SMG1: variants seen among roughly 807,000 people sequenced by gnomAD.
SMG1 encodes the protein serine/threonine-protein kinase SMG1.
In SMG1, 22 loss-of-function variants were observed where a neutral mutation model predicts 419.9. The observed-to-expected ratio is 0.05, with a 90% CI of 0.04 to 0.07. The LOEUF is 0.07. SMG1 is among the 10% of genes least tolerant of loss of function. The pLI, the probability that SMG1 is intolerant of heterozygous loss-of-function variation, is 1.00. For missense variants in SMG1, 3,185 were observed against 4,342.0 expected (o/e 0.73, Z 7.49); for synonymous variants, 1,538 against 1,553.5 (o/e 0.99, Z 0.23).
At chr16:18,863,544 AC>A in intron 25 of SMG1, 105 bp downstream of exon 25, 2 of 1,018,558 alleles carry the variant, frequency 2.0e-6, no homozygotes, top group Non-Finnish European at 3.0e-6. Context: ...TAGATATATA[AC>A]CATTTTGTAT....
At position 18,805,172 on chromosome 16, in the gene SMG1, G is replaced by C. The variant is rs2030709539; in HGVS notation, c.*4397C>G. The C allele has an allele frequency of 6.6e-6, 1 of 152,268 alleles. No homozygotes were observed. Among genetic ancestry groups the C allele is most frequent in the Non-Finnish European group, 1.5e-5 (1 of 68,036 alleles). The allele number at this position is 152,268 out of a possible 1,614,324, so 9.4% of individuals were successfully genotyped here. Reference sequence around the variant, plus strand: ...GTAAATTAACAAGTAAGTGAAGTATGATGTTGTTGCCACTGACATTACAGG... The same window carrying C: ...GTAAATTAACAAGTAAGTGAAGTATCATGTTGTTGCCACTGACATTACAGG... On this transcript the variant is annotated 3_prime_UTR_variant, in exon 63 of 63. Coordinates refer to ENST00000446231, the MANE Select transcript of SMG1 (RefSeq NM_015092.5).
chr16:18,858,337 T>C (rs760086866), intron 28 of SMG1, 47 bp from the exon 29 acceptor site: 48 of 1,553,700 alleles, frequency 3.1e-5, no homozygotes, highest in Non-Finnish European at 3.8e-5. Context: ...AGGCTGTTGA[T>C]ATGTTTGCAG....
At position 18,808,778 on chromosome 16, in the gene SMG1, G is replaced by C. The variant is rs1198512923; in HGVS notation, c.*791C>G. ...ATCATCAGACCTTTAAACAATCCTT[G>C]AATTTTCCATGTTATCAGAAGTTGT... On this transcript the variant is annotated 3_prime_UTR_variant, in exon 63 of 63. Transcript: ENST00000446231. 6.6e-6 allele frequency: 1 copy of C among 152,544 alleles called. No individual in the cohort carries two copies. The highest frequency in any genetic ancestry group is 1.9e-4 in the East Asian group (1 of 5,198). 9.4% of individuals were successfully genotyped at this position (152,544 alleles called of 1,614,324 possible).
chr16:18,923,742 C>A (rs2038286256), intron 1 of SMG1, among the ~76,000 whole-genome samples: 1 of 152,006 alleles, frequency 6.6e-6, no homozygotes, highest in African/African-American at 2.4e-5. Context: ...TTCAGATGAA[C>A]CATAATAAAT....
chr16:18,838,003 C>A lies in SMG1; in HGVS notation c.7413+11G>T, dbSNP rs572689074. 1 of 1,612,938 alleles carries A rather than the reference C, an allele frequency of 6.2e-7. No homozygotes were observed. Among genetic ancestry groups the A allele is most frequent in the Non-Finnish European group, 8.5e-7 (1 of 1,179,240 alleles). On this transcript the variant is annotated intron_variant, in intron 45 of 62. Transcript: ENST00000446231. ...AAGAAGACAATGACTTATTCCGTCA[C>A]TGGGCTTCACCTTAATCTCAGCTAC... is the stretch of plus-strand genomic sequence containing the variant.
At chr16:18,902,872 C>T (rs535855299) in intron 1 of SMG1, among the ~76,000 whole-genome samples, 1 of 152,258 alleles carries the variant, frequency 6.6e-6, no homozygotes, top group Non-Finnish European at 1.5e-5. Flanking sequence ...AACAGGGTCT[C>T]ACCCTGTCGC....
intron 38 of SMG1, 65 bp downstream of exon 38, chr16:18,847,388 T>C (rs1393497963): frequency 3.2e-6 from 5 of 1,551,798 alleles, no homozygotes; most frequent in Non-Finnish European, 4.4e-6. Flanking sequence ...GTAAATTTTA[T>C]GTTATTTATA....
At chr16:18,885,187 G>C (rs958494862) in intron 7 of SMG1, 25 bp from the exon 8 acceptor site, 9 of 699,004 alleles carry the variant, frequency 1.3e-5, no homozygotes, top group Non-Finnish European at 1.9e-5. Context: ...AGAGAGAGGG[G>C]GCCAATCATT....
At chr16:18,922,296 T>G (rs1488271227) in intron 1 of SMG1, among the ~76,000 whole-genome samples, 1 of 151,982 alleles carries the variant, frequency 6.6e-6, no homozygotes, top group Admixed American at 6.6e-5. Flanking sequence ...GGAAGAGGAG[T>G]AAAGAGGGCA....
chr16:18,898,279 C>A (rs1166901866), intron 1 of SMG1, among the ~76,000 whole-genome samples: 1 of 152,166 alleles, frequency 6.6e-6, no homozygotes, highest in Non-Finnish European at 1.5e-5. Flanking sequence ...CAATCTGAAA[C>A]TTCATGAAAT....
At chr16:18,883,694 G>T (rs1454676007) in intron 9 of SMG1, among the ~76,000 whole-genome samples, 1 of 152,162 alleles carries the variant, frequency 6.6e-6, no homozygotes, top group African/African-American at 2.4e-5. Flanking sequence ...CGATGCGGGT[G>T]GATCACCTGA....
chr16:18,871,029 TCTCA>T (rs1399335841), intron 16 of SMG1, 141 bp from the exon 17 acceptor site: 34 of 622,122 alleles, frequency 5.5e-5, no homozygotes, highest in African/African-American at 5.1e-4. Flanking sequence ...TGTCCAGAAT[TCTCA>T]CTGACTGTCA....
At position 18,842,420 on chromosome 16, in the gene SMG1, C is replaced by T. The variant is rs764483616; in HGVS notation, c.6254G>A (p.Arg2085His). The change falls in exon 40 of 63, where the codon CGT becomes CAT. Residue 2085 changes from arginine to histidine, a missense_variant. Arg to His is a conservative substitution (Grantham distance 29). Coordinates refer to ENST00000446231, the MANE Select transcript of SMG1 (RefSeq NM_015092.5). The part of the protein sequence containing the change: ...MLSLQQRAQK[R>H]ASYILRLEEI... Reference sequence around the variant, plus strand: ...TTCAAGACGCAAGATGTAACTTGCACGTTTCTGTGCTCTCTGTTGCAAACT... The same window carrying T: ...TTCAAGACGCAAGATGTAACTTGCATGTTTCTGTGCTCTCTGTTGCAAACT... The T allele has an allele frequency of 7.4e-6, 12 of 1,613,720 alleles. No individual in the cohort carries two copies. In the Admixed American group the frequency reaches 8.3e-5, roughly 11 times the overall value.
In SMG1 at chr16:18,882,208, C is replaced by T. The variant is rs1395428046; in HGVS notation, c.1250G>A (p.Ser417Asn). Residue 417 changes from serine (S) to asparagine (N), a missense_variant, in exon 10 of 63, where the codon AGC becomes AAC. Physicochemically the swap from Ser to Asn is conservative, Grantham distance 46 (BLOSUM62 1). This residue lies in a region of SMG1 where 52 missense variants were observed against 69.0 expected (regional missense o/e 0.75). Transcript: ENST00000446231. ...TVVRSIGERFSPIRGPPITEA... is the reference protein window; with the variant it reads ...TVVRSIGERFNPIRGPPITEA... ...AGTAATTGGAGGACCCCGAATTGGGCTGAAGCGTTCCCCAATGCTCCTCAC... is the reference window on the plus strand; with the variant it reads ...AGTAATTGGAGGACCCCGAATTGGGTTGAAGCGTTCCCCAATGCTCCTCAC... 19 of 1,599,822 alleles carry T rather than the reference C, an allele frequency of 1.2e-5. No individual in the cohort carries two copies. Among genetic ancestry groups the T allele is most frequent in the Non-Finnish European group, 1.5e-5 (18 of 1,174,068 alleles).
chr16:18,877,437 G>A (rs1417714731), intron 11 of SMG1: 3 of 427,438 alleles, frequency 7.0e-6, no homozygotes, highest in African/African-American at 4.0e-5. Context: ...TGGAGGGAGG[G>A]AGGAGTGGGG....
At chr16:18,835,847 C>G in intron 48 of SMG1, 86 bp downstream of exon 48, 2 of 1,357,966 alleles carry the variant, frequency 1.5e-6, no homozygotes, top group South Asian at 2.8e-5. Context: ...TGCAGTGAGC[C>G]AAGATCATGC....
At position 18,807,223 on chromosome 16, in the gene SMG1, T is replaced by C. The variant is rs2030917623; in HGVS notation, c.*2346A>G. ...CAAAGAGAAAGCAATTTCTGAATAC[T>C]ATCTATAGTGCTAAACTAATGTGAA... On this transcript the variant is annotated 3_prime_UTR_variant, in exon 63 of 63. Transcript: ENST00000446231. 1 of 152,216 alleles carries C rather than the reference T, an allele frequency of 6.6e-6. No homozygotes were observed. The highest frequency in any genetic ancestry group is 1.5e-5 in the Non-Finnish European group (1 of 68,034). The allele number at this position is 152,216 out of a possible 1,614,324, so 9.4% of individuals were successfully genotyped here.
chr16:18,842,203 C>T lies in SMG1; in HGVS notation c.6466+5G>A. On this transcript the variant is annotated splice_donor_5th_base_variant and intron_variant, in intron 40 of 62. Transcript: ENST00000446231. ...CTGAAAAATGGAGGAAGTCTTAAAT[C>T]CTACCTTTGAAAAGATAAGGATAGC... 1 of 1,609,998 alleles carries T rather than the reference C, an allele frequency of 6.2e-7. No individual in the cohort carries two copies. The highest frequency in any genetic ancestry group is 8.5e-7 in the Non-Finnish European group (1 of 1,177,832).
chr16:18,872,804 G>A (rs1015691618), intron 13 of SMG1, among the ~76,000 whole-genome samples, 180 bp from the exon 14 acceptor site: 13 of 152,100 alleles, frequency 8.5e-5, no homozygotes, highest in African/African-American at 2.2e-4. Flanking sequence ...AAGCCTTTGC[G>A]TGCAATATAC....
Sources: allele counts gnomAD v4.1 joint callset (sites outside exome capture counted in the v4.1 genomes callset), GRCh38; gene constraint gnomAD v4.1.1; regional missense constraint gnomAD v4.1.1; transcripts MANE v1.5; gene names NCBI Gene and HGNC (gene_info 2026-07-23, HGNC 2026-07-21).